MGAT4C: variants seen among roughly 807,000 people sequenced by gnomAD.
MGAT4C encodes the protein alpha-1,3-mannosyl-glycoprotein 4-beta-N-acetylglucosaminyltransferase C.
In MGAT4C, 19 loss-of-function variants were observed where a neutral mutation model predicts 40.1. The ratio of observed to expected loss-of-function variants is 0.47; its 90% CI spans 0.33 to 0.70. The LOEUF (loss-of-function observed/expected upper bound fraction) is 0.70. Ranked by LOEUF, MGAT4C falls within the 30% of genes least tolerant of loss-of-function variation. MGAT4C has a pLI of 0.02. For synonymous variants in MGAT4C, 181 were observed against 187.1 expected (o/e 0.97, Z 0.27); for missense variants, 491 against 563.2 (o/e 0.87, Z 1.30).
intron 2 of MGAT4C, among the ~76,000 whole-genome samples, chr12:86,605,311 A>G (rs1001431063): frequency 6.6e-6 from 1 of 152,034 alleles, no homozygotes; most frequent in Admixed American, 6.6e-5. Flanking sequence ...TGGGAGTTTC[A>G]TGCTGCTCCA....
At chr12:86,639,735 A>G (rs1170339444) in intron 2 of MGAT4C, among the ~76,000 whole-genome samples, 1 of 151,732 alleles carries the variant, frequency 6.6e-6, no homozygotes, top group East Asian at 1.9e-4. Flanking sequence ...GGAGAAAATC[A>G]TTTAAATGCT....
At chr12:86,807,572 G>A (rs960902832) in intron 1 of MGAT4C, among the ~76,000 whole-genome samples, 8 of 152,020 alleles carry the variant, frequency 5.3e-5, no homozygotes, top group African/African-American at 1.7e-4. Context: ...TGTGAATAGC[G>A]CTGCAATGAA....
chr12:86,033,090 T>C (rs1890907354), intron 2 of MGAT4C, among the ~76,000 whole-genome samples: 2 of 149,706 alleles, frequency 1.3e-5, no homozygotes, highest in Non-Finnish European at 3.0e-5. Flanking sequence ...TGCAGCATTA[T>C]TTCTGTGATC....
At chr12:86,800,934 C>T (rs1369107212) in intron 1 of MGAT4C, among the ~76,000 whole-genome samples, 1 of 151,808 alleles carries the variant, frequency 6.6e-6, no homozygotes, top group Non-Finnish European at 1.5e-5. Flanking sequence ...TCTAATTGTC[C>T]ACAATATCTG....
At chr12:86,492,082 C>A (rs1013698442) in intron 2 of MGAT4C, among the ~76,000 whole-genome samples, 6 of 152,162 alleles carry the variant, frequency 3.9e-5, no homozygotes, top group Non-Finnish European at 7.3e-5. Context: ...AGGAATCCAA[C>A]TTGCAAGGGA....
At chr12:86,691,669 T>C (rs1038445966) in intron 2 of MGAT4C, among the ~76,000 whole-genome samples, 1 of 152,162 alleles carries the variant, frequency 6.6e-6, no homozygotes, top group African/African-American at 2.4e-5. Flanking sequence ...TATAATATTA[T>C]ACAGATTTTT....
intron 1 of MGAT4C, among the ~76,000 whole-genome samples, chr12:86,249,753 T>C (rs1256073690): frequency 6.6e-6 from 1 of 152,174 alleles, no homozygotes; most frequent in Non-Finnish European, 1.5e-5. Flanking sequence ...TTTGACTTTG[T>C]TCTTAATGAG....
intron 2 of MGAT4C, among the ~76,000 whole-genome samples, chr12:86,678,588 C>T (rs1467658665): frequency 7.3e-6 from 1 of 137,920 alleles, no homozygotes; most frequent in Non-Finnish European, 1.5e-5. Context: ...CCTCCCCCCA[C>T]CACACAACAG....
Position 86,451,620 on chromosome 12 carries a change from C to T in MGAT4C, c.-228-16355G>A, listed in dbSNP as rs1477787443. Among the ~76,000 whole-genome samples, 7 of 152,020 alleles carry T rather than the reference C, an allele frequency of 4.6e-5. 1 individual carries two copies. The highest frequency in any genetic ancestry group is 4.6e-4 in the Admixed American group (7 of 15,246). Reference sequence around the variant, plus strand: ...GATTTGAAAAATTATTCACAAGTGGCTCTTTGATTTTGTGTTTGCCTATTA... The same window carrying T: ...GATTTGAAAAATTATTCACAAGTGGTTCTTTGATTTTGTGTTTGCCTATTA... On this transcript the variant is annotated intron_variant, in intron 2 of 7. Transcript: ENST00000548651.
At chr12:86,808,294 T>C (rs1048968527) in intron 1 of MGAT4C, among the ~76,000 whole-genome samples, 2 of 152,058 alleles carry the variant, frequency 1.3e-5, no homozygotes, top group Non-Finnish European at 2.9e-5. Flanking sequence ...GGCATTATCT[T>C]GATACCAAAA....
At chr12:86,361,508 C>T (rs1955468945) in intron 3 of MGAT4C, among the ~76,000 whole-genome samples, 1 of 152,180 alleles carries the variant, frequency 6.6e-6, no homozygotes, top group Non-Finnish European at 1.5e-5. Context: ...AACTAAACAG[C>T]TTCTGCACAG....
chr12:86,201,581 A>G (rs1950052347), intron 1 of MGAT4C, among the ~76,000 whole-genome samples: 1 of 151,060 alleles, frequency 6.6e-6, no homozygotes, highest in African/African-American at 2.4e-5. Flanking sequence ...AATTCTTATT[A>G]TAAGAAATCA....
chr12:86,657,014 T>A (rs1565907825), intron 2 of MGAT4C, among the ~76,000 whole-genome samples: 1 of 152,072 alleles, frequency 6.6e-6, no homozygotes, highest in Non-Finnish European at 1.5e-5. Context: ...TATGTGTGCA[T>A]TTTGTTTATA....
intron 2 of MGAT4C, among the ~76,000 whole-genome samples, chr12:86,538,055 C>T (rs530487450): frequency 6.6e-6 from 1 of 152,146 alleles, no homozygotes; most frequent in African/African-American, 2.4e-5. Flanking sequence ...CCAGTGCACT[C>T]CAGCCTGGGC....
intron 1 of MGAT4C, among the ~76,000 whole-genome samples, chr12:86,789,034 C>T (rs148113709): frequency 1.1e-3 from 166 of 151,988 alleles, no homozygotes; most frequent in Non-Finnish European, 2.0e-3. Flanking sequence ...AGTAATTTTC[C>T]TGAAATAGTA....
chr12:86,083,079 TA>T (rs1202191414), intron 1 of MGAT4C, among the ~76,000 whole-genome samples: 1 of 152,130 alleles, frequency 6.6e-6, no homozygotes, highest in African/African-American at 2.4e-5. Flanking sequence ...ATGGTGTCAT[TA>T]CCTACCTGTC....
intron 2 of MGAT4C, among the ~76,000 whole-genome samples, chr12:86,496,186 G>A (rs547420372): frequency 6.6e-6 from 1 of 152,030 alleles, no homozygotes; most frequent in African/African-American, 2.4e-5. Context: ...CCTATAGAGT[G>A]ATAAAGACAA....
intron 2 of MGAT4C, among the ~76,000 whole-genome samples, chr12:86,560,292 G>A (rs944051924): frequency 6.6e-6 from 1 of 151,834 alleles, no homozygotes; most frequent in Non-Finnish European, 1.5e-5. Flanking sequence ...CTATGAGGCT[G>A]GCATTACCAT....
intron 3 of MGAT4C, among the ~76,000 whole-genome samples, chr12:86,390,346 T>C (rs1003421221): frequency 6.6e-6 from 1 of 152,214 alleles, no homozygotes; most frequent in African/African-American, 2.4e-5. Flanking sequence ...ACAAATTTTA[T>C]TTATTATCAT....
Sources: allele counts gnomAD v4.1 joint callset (sites outside exome capture counted in the v4.1 genomes callset), GRCh38; gene constraint gnomAD v4.1.1; transcripts MANE v1.5; gene names NCBI Gene and HGNC (gene_info 2026-07-23, HGNC 2026-07-21).